Variants in MIS18A observed in about 807,000 individuals in gnomAD.
MIS18A encodes the protein MIS18 kinetochore protein A, also known as protein Mis18-alpha.
Under a neutral mutation model 25.0 loss-of-function variants are expected in MIS18A, and 14 were observed. The observed-to-expected ratio is 0.56, with a 90% CI of 0.37 to 0.88. The LOEUF (loss-of-function observed/expected upper bound fraction) is 0.88. MIS18A is among the 40% of genes least tolerant of loss of function. The pLI is 0.00. For missense variants in MIS18A, 292 were observed against 290.8 expected (o/e 1.00, Z -0.03); for synonymous variants, 134 against 118.6 (o/e 1.13, Z -0.84).
In MIS18A at chr21:32,278,608, C is replaced by T. The variant is rs979901406; in HGVS notation, c.334+73G>A. 6 of 1,404,760 alleles carry T rather than the reference C, an allele frequency of 4.3e-6. No homozygotes were observed. The African/African-American group carries it at 7.3e-5, about 17-fold the overall frequency. The allele number at this position is 1,404,760 out of a possible 1,614,324, so 87.0% of individuals were successfully genotyped here. On this transcript the variant is annotated intron_variant, in intron 1 of 4. Coordinates refer to ENST00000290130, the MANE Select transcript of MIS18A (RefSeq NM_018944.3). ...GCCCCAAGGAGCCCCCGCCTCCTCC[C>T]GGGCCGCCCACGCGCGGCACCCCTG...
chr21:32,262,503 G>C, the MIS18A span, among the ~76,000 whole-genome samples: 6 of 152,200 alleles, frequency 3.9e-5, no homozygotes, highest in African/African-American at 1.2e-4. Flanking sequence ...ACGGTTAATG[G>C]AGAGAAACGT....
At chr21:32,245,609 G>A in the MIS18A span, among the ~76,000 whole-genome samples, 1 of 152,170 alleles carries the variant, frequency 6.6e-6, no homozygotes, top group Non-Finnish European at 1.5e-5. Flanking sequence ...AAGACAAGGA[G>A]GCCAATGGCT....
the MIS18A span, among the ~76,000 whole-genome samples, chr21:32,155,554 T>C: frequency 6.6e-6 from 1 of 152,214 alleles, no homozygotes; most frequent in Non-Finnish European, 1.5e-5. Context: ...ATTTGTATGT[T>C]AGAACAGAAA....
the MIS18A span, among the ~76,000 whole-genome samples, chr21:32,196,629 A>G: frequency 1.3e-5 from 2 of 151,892 alleles, no homozygotes; most frequent in African/African-American, 4.8e-5. Context: ...TAATTTTTGT[A>G]TTTTTGTAGA....
intron 4 of MIS18A, 147 bp downstream of exon 4, chr21:32,269,560 T>A (rs1402351287): frequency 1.8e-6 from 1 of 558,342 alleles, no homozygotes; most frequent in Non-Finnish European, 3.2e-6. Flanking sequence ...TCCCCAAAAA[T>A]CAACTTTACT....
the MIS18A span, among the ~76,000 whole-genome samples, chr21:32,168,473 A>G: frequency 2.0e-5 from 3 of 152,214 alleles, no homozygotes. Flanking sequence ...GAAATGTATG[A>G]AGGAATTAAA....
chr21:32,186,880 C>T, the MIS18A span, among the ~76,000 whole-genome samples: 5 of 152,234 alleles, frequency 3.3e-5, no homozygotes, highest in Non-Finnish European at 2.9e-5. Flanking sequence ...CCATTCTAAC[C>T]GAGAACAAAG....
downstream of MIS18A, among the ~76,000 whole-genome samples, chr21:32,265,810 C>T (rs1319660495): frequency 5.3e-5 from 8 of 152,368 alleles, no homozygotes; most frequent in Middle Eastern, 6.8e-3. Flanking sequence ...CTGGTGGGGA[C>T]GTGGAGAGTC....
At chr21:32,160,283 G>GC in the MIS18A span, among the ~76,000 whole-genome samples, 1 of 124,714 alleles carries the variant, frequency 8.0e-6, no homozygotes. Flanking sequence ...AAACACCTCT[G>GC]CAACACACAC....
At chr21:32,248,024 G>T in the MIS18A span, among the ~76,000 whole-genome samples, 1 of 152,172 alleles carries the variant, frequency 6.6e-6, no homozygotes, top group Non-Finnish European at 1.5e-5. Context: ...GAAGAGCTTT[G>T]TTAGTGGAGA....
the MIS18A span, among the ~76,000 whole-genome samples, chr21:32,182,645 T>G: frequency 1.2e-4 from 19 of 152,244 alleles, no homozygotes; most frequent in African/African-American, 4.6e-4. Context: ...CAGACAGCCC[T>G]AGGGTGCCAA....
chr21:32,263,820 T>C (rs2031550323), downstream of MIS18A, among the ~76,000 whole-genome samples: 1 of 151,558 alleles, frequency 6.6e-6, no homozygotes, highest in South Asian at 2.1e-4. Flanking sequence ...TTTTTTTTTT[T>C]TTTTTAAGCA....
chr21:32,195,178 G>A, the MIS18A span, among the ~76,000 whole-genome samples: 1 of 152,196 alleles, frequency 6.6e-6, no homozygotes, highest in Non-Finnish European at 1.5e-5. Context: ...CATCATGACT[G>A]TACTTTTAAC....
the MIS18A span, among the ~76,000 whole-genome samples, chr21:32,253,150 T>C: frequency 2.0e-5 from 3 of 150,792 alleles, no homozygotes; most frequent in Admixed American, 6.6e-5. Context: ...ACCATGCAGA[T>C]GGTGCCCCCC....
Position 32,268,514 on chromosome 21 carries a change from G to A in MIS18A, c.*523C>T, listed in dbSNP as rs2031645788. The A allele has an allele frequency of 6.6e-6, 1 of 152,218 alleles. No homozygotes were observed. Among genetic ancestry groups the A allele is most frequent in the South Asian group, 2.1e-4 (1 of 4,832 alleles). The allele number at this position is 152,218 out of a possible 1,614,324, so 9.4% of individuals were successfully genotyped here. Reference sequence around the variant, plus strand: ...GGAACTTTATGGATTAGTTTTCAGAGAAGATTCCATGACACTGTGGGTAGA... The same window carrying A: ...GGAACTTTATGGATTAGTTTTCAGAAAAGATTCCATGACACTGTGGGTAGA... On this transcript the variant is annotated 3_prime_UTR_variant, in exon 5 of 5. Transcript: ENST00000290130.
chr21:32,166,754 A>C, the MIS18A span, among the ~76,000 whole-genome samples: 1 of 152,194 alleles, frequency 6.6e-6, no homozygotes, highest in African/African-American at 2.4e-5. Flanking sequence ...AATTATGTAG[A>C]TACTCCCCTT....
At chr21:32,241,462 C>A in the MIS18A span, among the ~76,000 whole-genome samples, 1 of 151,708 alleles carries the variant, frequency 6.6e-6, no homozygotes, top group Non-Finnish European at 1.5e-5. Context: ...TCTTATGATT[C>A]TGTCTCAGTG....
At chr21:32,184,805 C>T in the MIS18A span, among the ~76,000 whole-genome samples, 2 of 152,114 alleles carry the variant, frequency 1.3e-5, no homozygotes, top group African/African-American at 4.8e-5. Flanking sequence ...GGGCACAAAA[C>T]CTCAACTACT....
the MIS18A span, among the ~76,000 whole-genome samples, chr21:32,199,740 G>A: frequency 5.9e-5 from 9 of 152,252 alleles, no homozygotes; most frequent in East Asian, 5.8e-4. Flanking sequence ...TCCAGGAGGC[G>A]GAGGTTGCAG....
Sources: gnomAD v4.1 joint callset for allele counts (sites outside exome capture counted in the v4.1 genomes callset) on GRCh38, gnomAD v4.1.1 for gene constraint, MANE v1.5 for transcripts, NCBI Gene and HGNC (gene_info 2026-07-23, HGNC 2026-07-21) for gene names.